CFAP58: variants seen among roughly 807,000 people sequenced by gnomAD.
The protein encoded by CFAP58 is cilia and flagella associated protein 58, also known as cilia- and flagella-associated protein 58.
Under a neutral mutation model 119.5 loss-of-function variants are expected in CFAP58, and 88 were observed. That is an observed-to-expected ratio of 0.74 (90% CI 0.62 to 0.88). The LOEUF is 0.88. CFAP58 is among the 40% of genes least tolerant of loss of function. The pLI, the probability that CFAP58 is intolerant of heterozygous loss-of-function variation, is 0.00. For synonymous variants in CFAP58, 365 were observed against 366.3 expected (o/e 1.00, Z 0.04); for missense variants, 990 against 1,021.2 (o/e 0.97, Z 0.42).
At chr10:104,344,597 A>G in the CFAP58 span, among the ~76,000 whole-genome samples, 6,007 of 151,022 alleles carry the variant, frequency 0.04, 485 homozygotes, top group African/African-American at 0.14. Flanking sequence ...ACCAGAAAAT[A>G]TTTCTTAATG....
intron 15 of CFAP58, among the ~76,000 whole-genome samples, chr10:104,435,007 G>A (rs114531328): frequency 0.012 from 1,873 of 152,326 alleles, 47 homozygotes; most frequent in African/African-American, 0.042. Flanking sequence ...TATAATTTAT[G>A]AAAAGTGACT....
At chr10:104,383,684 C>G (rs1005478734) in intron 9 of CFAP58, among the ~76,000 whole-genome samples, 1 of 152,080 alleles carries the variant, frequency 6.6e-6, no homozygotes, top group African/African-American at 2.4e-5. Flanking sequence ...ACTTGTGCAT[C>G]TCTGGACTTC....
chr10:104,392,285 A>C lies in CFAP58; in HGVS notation c.1418A>C (p.Tyr473Ser), dbSNP rs1238277626. 6.2e-7 allele frequency: 1 copy of C among 1,612,892 alleles called. No homozygotes were observed. The highest frequency in any genetic ancestry group is 8.5e-7 in the Non-Finnish European group (1 of 1,179,566). The part of the protein sequence containing the change: ...IKVRETQIFD[Y>S]RKKIAESEIK... ...GTTCGTGAAACACAGATTTTTGACT[A>C]CAGGAAAAAAATAGCTGAATCAGAG... Residue 473 changes from tyrosine to serine, a missense_variant, in exon 10 of 18, where the codon TAC becomes TCC. By Grantham distance (144) the Tyr-to-Ser change is moderately radical (BLOSUM62 -2). Transcript: ENST00000369704.
chr10:104,387,924 A>G (rs570183823), intron 9 of CFAP58, among the ~76,000 whole-genome samples: 1 of 152,362 alleles, frequency 6.6e-6, no homozygotes, highest in Non-Finnish European at 1.5e-5. Context: ...ACTGTCAAGC[A>G]AAGCTCTTCA....
chr10:104,349,582 T>A (rs564070395), upstream of CFAP58, among the ~76,000 whole-genome samples: 1 of 152,208 alleles, frequency 6.6e-6, no homozygotes, highest in Non-Finnish European at 1.5e-5. Flanking sequence ...CATTAACTTA[T>A]GAATTTTGGA....
upstream of CFAP58, among the ~76,000 whole-genome samples, chr10:104,352,756 G>A (rs1002691884): frequency 3.9e-5 from 6 of 152,224 alleles, no homozygotes; most frequent in African/African-American, 1.4e-4. Context: ...AACACCTGGG[G>A]AATGGAAGTG....
intron 15 of CFAP58, among the ~76,000 whole-genome samples, chr10:104,418,331 G>A (rs1183055457): frequency 1.3e-5 from 2 of 152,126 alleles, no homozygotes; most frequent in Admixed American, 6.5e-5. Context: ...GGTGGATCAC[G>A]AGGTCAGGAG....
chr10:104,371,365 C>T (rs2014821556), intron 7 of CFAP58, among the ~76,000 whole-genome samples: 1 of 152,152 alleles, frequency 6.6e-6, no homozygotes, highest in South Asian at 2.1e-4. Context: ...GTTCACATGA[C>T]CTGCTTTAGT....
At chr10:104,422,805 C>T (rs937823366) in intron 15 of CFAP58, among the ~76,000 whole-genome samples, 14 of 152,164 alleles carry the variant, frequency 9.2e-5, no homozygotes, top group African/African-American at 3.4e-4. Context: ...GTCCCATTAG[C>T]CAAAGCAAGT....
chr10:104,357,868 CACATATAT>C (rs2014578245), intron 1 of CFAP58, among the ~76,000 whole-genome samples: 2 of 115,246 alleles, frequency 1.7e-5, no homozygotes, highest in Non-Finnish European at 3.7e-5. Flanking sequence ...CACATATATA[CACATATAT>C]GTACACATAT....
At chr10:104,452,227 G>C (rs928004715) in intron 17 of CFAP58, among the ~76,000 whole-genome samples, 1 of 151,502 alleles carries the variant, frequency 6.6e-6, no homozygotes, top group South Asian at 2.1e-4. Context: ...AGTATTAATA[G>C]ATTTATTAAT....
Position 104,450,064 on chromosome 10 carries a change from A to T in CFAP58, c.2377-7A>T. On this transcript the variant is annotated splice_polypyrimidine_tract_variant and splice_region_variant and intron_variant, in intron 16 of 17. Transcript: ENST00000369704. ...TTTTGTTAATGCTGCTTTATTTGCC[A>T]TGTTAGGTTTTGTCTTCAGAATTGA... 1 of 1,588,294 alleles carries T rather than the reference A, an allele frequency of 6.3e-7. No homozygotes were observed. The highest frequency in any genetic ancestry group is 8.5e-7 in the Non-Finnish European group (1 of 1,172,128).
At chr10:104,346,906 T>C in the CFAP58 span, among the ~76,000 whole-genome samples, 11 of 151,900 alleles carry the variant, frequency 7.2e-5, no homozygotes, top group South Asian at 1.9e-3. Context: ...AAAGTGCTGG[T>C]ATTACAGGAG....
chr10:104,387,875 A>G (rs1340898284), intron 9 of CFAP58, among the ~76,000 whole-genome samples: 2 of 152,192 alleles, frequency 1.3e-5, no homozygotes, highest in South Asian at 4.1e-4. Context: ...CAAATCCCTA[A>G]CAACAAATTT....
chr10:104,448,449 G>T (rs2133099323), intron 16 of CFAP58, among the ~76,000 whole-genome samples: 1 of 152,282 alleles, frequency 6.6e-6, no homozygotes, highest in South Asian at 2.1e-4. Context: ...CAAAAGTTGT[G>T]CATGTTCACA....
At chr10:104,410,415 C>G (rs2133054663) in intron 15 of CFAP58, among the ~76,000 whole-genome samples, 1 of 152,322 alleles carries the variant, frequency 6.6e-6, no homozygotes, top group African/African-American at 2.4e-5. Flanking sequence ...TATATCCTTT[C>G]ATAGTTCTTT....
intron 9 of CFAP58, 24 bp from the exon 10 acceptor site, chr10:104,392,209 T>A (rs1363693785): frequency 6.2e-7 from 1 of 1,602,106 alleles, no homozygotes; most frequent in East Asian, 2.2e-5. Context: ...TTTAACCACA[T>A]TCATATATGT....
At chr10:104,367,536 G>A (rs911067068) in intron 5 of CFAP58, among the ~76,000 whole-genome samples, 8 of 125,136 alleles carry the variant, frequency 6.4e-5, no homozygotes, top group African/African-American at 3.3e-4. Context: ...ACTTCTTTGA[G>A]CATGAAACAT....
intron 9 of CFAP58, chr10:104,381,983 G>A (rs948667164): frequency 1.8e-5 from 11 of 617,574 alleles, no homozygotes; most frequent in Admixed American, 9.6e-5. Context: ...GGACTCGCAC[G>A]TTAGCTTCTG....
Sources: gnomAD v4.1 joint callset for allele counts (sites outside exome capture counted in the v4.1 genomes callset) on GRCh38, gnomAD v4.1.1 for gene constraint, MANE v1.5 for transcripts, NCBI Gene and HGNC (gene_info 2026-07-23, HGNC 2026-07-21) for gene names.